The following SAMSN1 variants were observed in gnomAD, a reference collection of about 807,000 sequenced individuals.
SAMSN1 encodes the protein SAM domain, SH3 domain and nuclear localization signals 1.
A neutral mutation model predicts 42.0 loss-of-function variants in SAMSN1; 31 were observed. The observed-to-expected ratio is 0.74, with a 90% CI of 0.55 to 1.00. The LOEUF is 1.00. SAMSN1 is among the 50% of genes least tolerant of loss of function. The pLI is 0.00. For missense variants in SAMSN1, 464 were observed against 439.4 expected, an observed-to-expected ratio of 1.06 and a Z score of -0.50; for synonymous variants, 178 against 151.9, an observed-to-expected ratio of 1.17 and a Z score of -1.26.
chr21:14,522,034 C>T (rs1978521100), intron 1 of SAMSN1, among the ~76,000 whole-genome samples: 1 of 152,124 alleles, frequency 6.6e-6, no homozygotes, highest in Non-Finnish European at 1.5e-5. Flanking sequence ...TAGGTATGCA[C>T]AGTCCAAGGT....
chr21:14,608,402 C>T (rs1414179041), intron 5 of SAMSN1, among the ~76,000 whole-genome samples: 1 of 152,208 alleles, frequency 6.6e-6, no homozygotes, highest in African/African-American at 2.4e-5. Context: ...CTGTCCACTA[C>T]AGGGGGAGCA....
chr21:14,642,464 C>T (rs1983618682), intron 2 of SAMSN1, among the ~76,000 whole-genome samples: 1 of 152,194 alleles, frequency 6.6e-6, no homozygotes, highest in Non-Finnish European at 1.5e-5. Context: ...GTGTCAGAAT[C>T]AGCACTTGAG....
chr21:14,584,012 A>G (rs1286997104), upstream of SAMSN1, among the ~76,000 whole-genome samples: 4 of 105,154 alleles, frequency 3.8e-5, no homozygotes, highest in Admixed American at 4.0e-4. Flanking sequence ...TTTTTTTTTT[A>G]CTTCAAAATA....
At chr21:14,514,880 G>C (rs1044582321) in intron 3 of SAMSN1, among the ~76,000 whole-genome samples, 10 of 152,270 alleles carry the variant, frequency 6.6e-5, no homozygotes, top group African/African-American at 2.4e-4. Flanking sequence ...AAGTGAAGAG[G>C]TCATAGCTAG....
intron 2 of SAMSN1, among the ~76,000 whole-genome samples, chr21:14,629,755 C>A (rs989064045): frequency 6.6e-6 from 1 of 152,068 alleles, no homozygotes; most frequent in Admixed American, 6.6e-5. Flanking sequence ...GCGAAGAGAG[C>A]TTTATATCAA....
intron 4 of SAMSN1, among the ~76,000 whole-genome samples, chr21:14,510,722 G>A (rs1321393374): frequency 4.6e-5 from 7 of 152,202 alleles, no homozygotes; most frequent in South Asian, 2.1e-4. Context: ...TTCAGTCTCC[G>A]TAATCGGATC....
chr21:14,550,031 G>A (rs1156542935), upstream of SAMSN1, among the ~76,000 whole-genome samples: 2 of 152,042 alleles, frequency 1.3e-5, no homozygotes, highest in Non-Finnish European at 2.9e-5. Flanking sequence ...AGATGTTGGT[G>A]CCAAGCTATA....
At chr21:14,575,810 T>C (rs576765437) in intron 2 of SAMSN1, among the ~76,000 whole-genome samples, 1 of 152,308 alleles carries the variant, frequency 6.6e-6, no homozygotes, top group African/African-American at 2.4e-5. Context: ...GAATTGTTTT[T>C]CCTTTTTCCT....
At chr21:14,498,190 C>T (rs374224004) in intron 7 of SAMSN1, among the ~76,000 whole-genome samples, 14 of 152,312 alleles carry the variant, frequency 9.2e-5, no homozygotes, top group South Asian at 6.2e-4. Context: ...AAATTAATAG[C>T]TTTGCAGAGT....
chr21:14,643,270 T>C (rs1983638254), intron 1 of SAMSN1: 1 of 566,754 alleles, frequency 1.8e-6, no homozygotes, highest in East Asian at 2.8e-5. Flanking sequence ...GTTTACAGTA[T>C]GCTAACTTTC....
Position 14,519,419 on chromosome 21 carries a change from A to G in SAMSN1, c.129+1731T>C, listed in dbSNP as rs564681776. Among the ~76,000 whole-genome samples, 58 of 152,290 alleles carry G rather than the reference A, an allele frequency of 3.8e-4. 1 individual carries two copies. The highest frequency in any genetic ancestry group is 1.2e-3 in the African/African-American group (48 of 41,574). ...AACTAAATAGCAGTAGAATATATGT[A>G]TGATTGTGGAGAATTAAAAATTTAT... On this transcript the variant is annotated intron_variant, in intron 2 of 7. Coordinates refer to ENST00000400566, the MANE Select transcript of SAMSN1 (RefSeq NM_022136.5).
chr21:14,496,357 C>G (rs1568765337), intron 7 of SAMSN1: 1 of 152,160 alleles, frequency 6.6e-6, no homozygotes, highest in African/African-American at 2.4e-5. Context: ...AATTCATCTC[C>G]AAATTTTTGC....
intron 2 of SAMSN1, among the ~76,000 whole-genome samples, chr21:14,551,747 T>G (rs957788210): frequency 6.6e-6 from 1 of 152,124 alleles, no homozygotes; most frequent in African/African-American, 2.4e-5. Flanking sequence ...GTGTGCTTTA[T>G]AAATATTTTC....
At chr21:14,624,660 A>C (rs1460623049) in intron 2 of SAMSN1, among the ~76,000 whole-genome samples, 1 of 152,200 alleles carries the variant, frequency 6.6e-6, no homozygotes, top group Non-Finnish European at 1.5e-5. Context: ...AAAAAAGTCC[A>C]GGACCAGATG....
chr21:14,609,416 T>C, intron 5 of SAMSN1: 1 of 711,366 alleles, frequency 1.4e-6, no homozygotes, highest in South Asian at 1.5e-5. Context: ...ATGTGAATTT[T>C]TCTTACCTGC....
chr21:14,553,817 T>A (rs937320342), intron 2 of SAMSN1, among the ~76,000 whole-genome samples: 2 of 152,134 alleles, frequency 1.3e-5, no homozygotes, highest in Non-Finnish European at 2.9e-5. Flanking sequence ...TCTTTCTTTT[T>A]CTCTGCCTCT....
intron 7 of SAMSN1, among the ~76,000 whole-genome samples, chr21:14,491,022 A>G (rs1334487478): frequency 6.6e-6 from 1 of 152,206 alleles, no homozygotes. Flanking sequence ...TACCCTCCTC[A>G]GTTAAAGTTG....
At chr21:14,601,011 A>C (rs1211469191) in intron 6 of SAMSN1, among the ~76,000 whole-genome samples, 1 of 152,218 alleles carries the variant, frequency 6.6e-6, no homozygotes, top group Non-Finnish European at 1.5e-5. Flanking sequence ...ATCCCATGAA[A>C]GTACTGAGAT....
At chr21:14,508,870 C>T (rs56350212) in intron 5 of SAMSN1, among the ~76,000 whole-genome samples, 6,448 of 152,204 alleles carry the variant, frequency 0.042, 437 homozygotes, top group African/African-American at 0.15. Context: ...TGGCTCATGC[C>T]TGTAATCCCA....
Sources: gnomAD v4.1 joint callset for allele counts (sites outside exome capture counted in the v4.1 genomes callset) on GRCh38, gnomAD v4.1.1 for gene constraint, MANE v1.5 for transcripts, NCBI Gene and HGNC (gene_info 2026-07-23, HGNC 2026-07-21) for gene names.